Variants in ZNF462 observed in about 807,000 individuals in gnomAD.
The protein encoded by ZNF462 is zinc finger PBX1-interacting protein.
In ZNF462, 10 loss-of-function variants were observed where a neutral mutation model predicts 201.9. That is an observed-to-expected ratio of 0.05 (90% CI 0.03 to 0.08). The LOEUF is 0.08. Ranked by LOEUF, ZNF462 falls within the 10% of genes least tolerant of loss-of-function variation. The pLI, the probability that ZNF462 is intolerant of heterozygous loss-of-function variation, is 1.00. For synonymous variants in ZNF462, 1,227 were observed against 1,193.3 expected (o/e 1.03, Z -0.58); for missense variants, 2,523 against 3,168.3 (o/e 0.80, Z 4.89).
chr9:106,941,178 G>C (rs1695771201), intron 7 of ZNF462, among the ~76,000 whole-genome samples: 1 of 152,186 alleles, frequency 6.6e-6, no homozygotes, highest in Non-Finnish European at 1.5e-5. Context: ...ACTGAGAAGA[G>C]TTGAGTTCAG....
In ZNF462 at chr9:106,876,366, T is replaced by G. The variant is rs936467658; in HGVS notation, c.-31+13011T>G. Among the ~76,000 whole-genome samples the G allele has an allele frequency of 1.3e-5, 2 of 152,364 alleles. No individual in the cohort carries two copies. Among genetic ancestry groups the G allele is most frequent in the Admixed American group, 6.5e-5 (1 of 15,314 alleles). ...TGATAGAGAAACTGAGGCAGAGATC[T>G]TCTCCAGGGCTTTGCCCCATTTATC... is the stretch of plus-strand genomic sequence containing the variant. On this transcript the variant is annotated intron_variant, in intron 1 of 12. Coordinates refer to ENST00000277225, the MANE Select transcript of ZNF462 (RefSeq NM_021224.6). This position sits in a 1 kb window ranked among gnomAD's most constrained non-coding sequence, Gnocchi z 4.9.
intron 7 of ZNF462, among the ~76,000 whole-genome samples, chr9:106,961,467 T>A (rs1435242526): frequency 6.6e-6 from 1 of 151,964 alleles, no homozygotes; most frequent in Non-Finnish European, 1.5e-5. Context: ...AAAGAGAGAG[T>A]AGCATTTGGT....
At chr9:106,985,619 T>A (rs1827779565) in intron 10 of ZNF462, among the ~76,000 whole-genome samples, 1 of 152,178 alleles carries the variant, frequency 6.6e-6, no homozygotes, top group Non-Finnish European at 1.5e-5. Flanking sequence ...ATCTATTGAG[T>A]ATTTACTGAA....
rs555566977 is a variant in ZNF462, at chr9:106,880,754, G to A, written c.-31+17399G>A. 5.3e-5 allele frequency among the ~76,000 whole-genome samples: 8 copies of A among 152,266 alleles called. No individual in the cohort carries two copies. The East Asian group carries it at 1.5e-3, about 29-fold the overall frequency. Reference sequence around the variant, plus strand: ...TATAAGGGAAAAGTAAAACATTTTGGTTCCTTTGTGAATTAAAAAGGAATG... The same window carrying A: ...TATAAGGGAAAAGTAAAACATTTTGATTCCTTTGTGAATTAAAAAGGAATG... On this transcript the variant is annotated intron_variant, in intron 1 of 12. Coordinates refer to ENST00000277225, the MANE Select transcript of ZNF462 (RefSeq NM_021224.6). This position sits in a 1 kb window ranked among gnomAD's most constrained non-coding sequence, Gnocchi z 4.1.
chr9:106,908,495 A>G (rs1020539414), intron 1 of ZNF462, among the ~76,000 whole-genome samples: 1 of 152,006 alleles, frequency 6.6e-6, no homozygotes, highest in African/African-American at 2.4e-5. Flanking sequence ...TGCTTGGTAT[A>G]TGTTTAATGA....
intron 10 of ZNF462, among the ~76,000 whole-genome samples, chr9:107,000,536 C>T (rs1157769172): frequency 2.0e-5 from 3 of 151,918 alleles, no homozygotes; most frequent in Non-Finnish European, 2.9e-5. Flanking sequence ...TTTCAAATAC[C>T]GTCATAACCC....
intron 9 of ZNF462, among the ~76,000 whole-genome samples, chr9:106,979,826 A>G (rs1827286909): frequency 6.6e-6 from 1 of 152,214 alleles, no homozygotes; most frequent in Non-Finnish European, 1.5e-5. Context: ...GGGATGAAAC[A>G]CAGTTTTGCC....
In ZNF462 at chr9:106,917,479, G is replaced by A. The variant is rs1257590687; in HGVS notation, c.-30-5875G>A. ...ACAACAGAGGCCACATGCATTGGCA[G>A]GACTTCATCTCATGGTATTTCCCTG... On this transcript the variant is annotated intron_variant, in intron 1 of 12. Transcript: ENST00000277225. The surrounding 1 kb of genome is among the most constrained non-coding windows in gnomAD (Gnocchi z 4.5). Among the ~76,000 whole-genome samples, 2 of 152,184 alleles carry A rather than the reference G, an allele frequency of 1.3e-5. No individual in the cohort carries two copies.
At chr9:106,986,592 T>G (rs935763969) in intron 10 of ZNF462, among the ~76,000 whole-genome samples, 1 of 152,148 alleles carries the variant, frequency 6.6e-6, no homozygotes, top group Non-Finnish European at 1.5e-5. Flanking sequence ...CTAATTATAC[T>G]TTGCATCTTA....
chr9:106,939,862 T>C (rs1280781815), intron 7 of ZNF462, among the ~76,000 whole-genome samples: 1 of 152,216 alleles, frequency 6.6e-6, no homozygotes, highest in Non-Finnish European at 1.5e-5. Context: ...CCTCAAATGA[T>C]TGCAGAATCA....
chr9:106,998,917 A>G (rs1828952095), intron 10 of ZNF462, among the ~76,000 whole-genome samples: 1 of 151,958 alleles, frequency 6.6e-6, no homozygotes, highest in South Asian at 2.1e-4. Context: ...CCCTCATCTC[A>G]CATTCTCATT....
chr9:106,964,957 T>C (rs968286169), intron 7 of ZNF462, among the ~76,000 whole-genome samples: 2 of 152,060 alleles, frequency 1.3e-5, no homozygotes, highest in African/African-American at 2.4e-5. Flanking sequence ...CTTCTTTGGT[T>C]AGAATGTTTT....
chr9:106,864,039 G>GCTCTCGCTCT (rs1827180000), intron 1 of ZNF462, among the ~76,000 whole-genome samples: 1 of 22,722 alleles, frequency 4.4e-5, no homozygotes, highest in African/African-American at 1.2e-4. Context: ...CAGGTATTTG[G>GCTCTCGCTCT]CTCTCTCTCT....
rs975710983 is a variant in ZNF462 at position 106,962,504 on chromosome 9, G to A, written c.6428-9501G>A. On this transcript the variant is annotated intron_variant, in intron 7 of 12. Transcript: ENST00000277225. This position sits in a 1 kb window ranked among gnomAD's most constrained non-coding sequence, Gnocchi z 4.6. ...CCTCAAAAATATAAAGAAAAAACAT[G>A]AGGCTTCACACAAAATAAGGTCTTT... 6.6e-6 allele frequency among the ~76,000 whole-genome samples: 1 copy of A among 151,976 alleles called. No homozygotes were observed. Among genetic ancestry groups the A allele is most frequent in the Non-Finnish European group, 1.5e-5 (1 of 67,980 alleles).
intron 10 of ZNF462, among the ~76,000 whole-genome samples, chr9:106,995,190 G>A (rs1302608375): frequency 3.3e-5 from 5 of 152,056 alleles, no homozygotes; most frequent in Non-Finnish European, 5.9e-5. Context: ...TATGCTGAGT[G>A]TCTCCAAATA....
chr9:107,003,575 A>T lies in ZNF462; in HGVS notation c.7189+149A>T. ...AACAGACTGACTTAGAAAACACATC[A>T]AGAGCTGTGTCTTTGTAAACTATTA... is the stretch of plus-strand genomic sequence containing the variant. On this transcript the variant is annotated intron_variant, in intron 11 of 12. Coordinates refer to ENST00000277225, the MANE Select transcript of ZNF462 (RefSeq NM_021224.6). This position sits in a 1 kb window ranked among gnomAD's most constrained non-coding sequence, Gnocchi z 4.4. The T allele has an allele frequency of 9.9e-7, 1 of 1,010,556 alleles. No individual in the cohort carries two copies. Among genetic ancestry groups the T allele is most frequent in the East Asian group, 2.9e-5 (1 of 34,618 alleles). The allele number at this position is 1,010,556 out of a possible 1,614,324, so 62.6% of individuals were successfully genotyped here.
At chr9:106,960,437 C>T (rs1465926467) in intron 7 of ZNF462, among the ~76,000 whole-genome samples, 1 of 152,092 alleles carries the variant, frequency 6.6e-6, no homozygotes, top group African/African-American at 2.4e-5. Flanking sequence ...AAGCTCTCTA[C>T]GGTTGAGGCC....
In ZNF462 at chr9:106,923,479, G is replaced by A; in HGVS notation, c.96G>A (p.Gln32=). 6.2e-7 allele frequency: 1 copy of A among 1,614,214 alleles called. No individual in the cohort carries two copies. The highest frequency in any genetic ancestry group is 8.5e-7 in the Non-Finnish European group (1 of 1,180,050). The part of the protein sequence containing the change: ...HIQDVHTAFL[Q]PTDVAEDNVN... ...AGGATGTCCACACGGCATTTCTGCA[G>A]CCAACTGATGTTGCTGAGGACAATG... Residue 32 remains glutamine, a synonymous_variant, in exon 2 of 13, where the codon CAG becomes CAA. Transcript: ENST00000277225. This position sits in a 1 kb window ranked among gnomAD's most constrained non-coding sequence, Gnocchi z 5.6.
chr9:106,905,823 C>T lies in ZNF462; in HGVS notation c.-30-17531C>T, dbSNP rs915985741. On this transcript the variant is annotated intron_variant, in intron 1 of 12. Transcript: ENST00000277225. The surrounding 1 kb of genome is among the most constrained non-coding windows in gnomAD (Gnocchi z 5.9). The stretch of plus-strand genomic sequence containing the variant: ...AAATTTCTCTGAGGCTACGCACCTC[C>T]CAGCTGCGAGAAAAAAGAGTTTTAG... Among the ~76,000 whole-genome samples the T allele has an allele frequency of 1.3e-5, 2 of 152,178 alleles. No homozygotes were observed. The highest frequency in any genetic ancestry group is 2.9e-5 in the Non-Finnish European group (2 of 68,018).
Sources: allele counts gnomAD v4.1 joint callset (sites outside exome capture counted in the v4.1 genomes callset), GRCh38; gene constraint gnomAD v4.1.1; non-coding constraint Gnocchi (gnomAD v3.1); transcripts MANE v1.5; gene names NCBI Gene and HGNC (gene_info 2026-07-23, HGNC 2026-07-21).